Variants in CFAP61 observed in about 807,000 individuals in gnomAD.
CFAP61 encodes the protein cilia and flagella associated protein 61, also known as cilia- and flagella-associated protein 61.
In CFAP61, 107 loss-of-function variants were observed where a neutral mutation model predicts 135.6. The observed-to-expected ratio is 0.79, with a 90% CI of 0.67 to 0.93. The LOEUF is 0.93. CFAP61 is among the 40% of genes least tolerant of loss of function. The pLI, the probability that CFAP61 is intolerant of heterozygous loss-of-function variation, is 0.00. For synonymous variants in CFAP61, 575 were observed against 578.5 expected (o/e 0.99, Z 0.09); for missense variants, 1,507 against 1,556.2 (o/e 0.97, Z 0.53).
At chr20:20,182,582 TAATA>T (rs1408426102) in intron 13 of CFAP61, among the ~76,000 whole-genome samples, 1 of 152,260 alleles carries the variant, frequency 6.6e-6, no homozygotes, top group East Asian at 1.9e-4. Flanking sequence ...AGCAGATGTT[TAATA>T]AATATTTGTG....
intron 17 of CFAP61, among the ~76,000 whole-genome samples, chr20:20,210,285 T>C (rs1273604293): frequency 6.6e-6 from 1 of 152,210 alleles, no homozygotes; most frequent in African/African-American, 2.4e-5. Flanking sequence ...CTTCTTCCCC[T>C]CTGGCTTTCC....
intron 14 of CFAP61, among the ~76,000 whole-genome samples, chr20:20,189,520 C>G (rs1569096562): frequency 6.7e-6 from 1 of 149,496 alleles, no homozygotes; most frequent in East Asian, 1.9e-4. Context: ...TGGGTGAAAC[C>G]AATGCCACCT....
intron 9 of CFAP61, among the ~76,000 whole-genome samples, chr20:20,147,772 T>C (rs1029264083): frequency 1.3e-5 from 2 of 152,206 alleles, no homozygotes; most frequent in African/African-American, 4.8e-5. Context: ...TGTTGGTTTT[T>C]TGTTTTTTTT....
chr20:20,325,677 A>G (rs2057718268), intron 25 of CFAP61, among the ~76,000 whole-genome samples: 1 of 152,248 alleles, frequency 6.6e-6, no homozygotes, highest in African/African-American at 2.4e-5. Context: ...CTGCTGTAAC[A>G]TGTACAAGTT....
chr20:20,206,569 C>T (rs1022383526), intron 17 of CFAP61, among the ~76,000 whole-genome samples: 5 of 152,150 alleles, frequency 3.3e-5, no homozygotes, highest in African/African-American at 7.2e-5. Context: ...GTTTCATCCA[C>T]GTTGTAGCGT....
intron 17 of CFAP61, among the ~76,000 whole-genome samples, chr20:20,203,381 A>G (rs2056717211): frequency 6.6e-6 from 1 of 152,234 alleles, no homozygotes; most frequent in South Asian, 2.1e-4. Context: ...GTGCTTTTAC[A>G]TTAGGAGAGT....
intron 15 of CFAP61, among the ~76,000 whole-genome samples, chr20:20,196,100 A>T (rs1433610920): frequency 1.3e-5 from 2 of 152,176 alleles, no homozygotes; most frequent in African/African-American, 4.8e-5. Context: ...AACAAAACAA[A>T]GTGTGTAACT....
At position 20,199,876 on chromosome 20, in the gene CFAP61, C is replaced by G. The variant is rs944462071; in HGVS notation, c.1906C>G (p.Pro636Ala). ...TCTGGAAAAGCTTGGCATAAACGCT[C>G]CATCAAAGGCGGTCTCCAAGGATCC... ...YPLEKLGINA[P>A]SKAVSKDPMS... The change falls in exon 17 of 27, where the codon CCA becomes GCA. Residue 636 changes from proline (P) to alanine (A), a missense_variant. Pro to Ala is a conservative substitution (Grantham distance 27, BLOSUM62 -1). Coordinates refer to ENST00000245957, the MANE Select transcript of CFAP61 (RefSeq NM_015585.4). 8.1e-6 allele frequency: 13 copies of G among 1,614,014 alleles called. No homozygotes were observed. Among genetic ancestry groups the G allele is most frequent in the African/African-American group, 4.0e-5 (3 of 74,936 alleles).
chr20:20,119,706 A>G (rs2049461732), intron 8 of CFAP61, among the ~76,000 whole-genome samples: 1 of 152,108 alleles, frequency 6.6e-6, no homozygotes, highest in Non-Finnish European at 1.5e-5. Flanking sequence ...AACTCATGTC[A>G]TGGGGGTTTG....
chr20:20,239,326 G>A (rs1423115749), intron 18 of CFAP61, among the ~76,000 whole-genome samples: 1 of 152,114 alleles, frequency 6.6e-6, no homozygotes, highest in Non-Finnish European at 1.5e-5. Flanking sequence ...AAAATATGAG[G>A]TTGGAGAAAG....
rs545486156 is a variant in CFAP61 at position 20,245,400 on chromosome 20, T to C, written c.2061-717T>C. On this transcript the variant is annotated intron_variant, in intron 18 of 26. Coordinates refer to ENST00000245957, the MANE Select transcript of CFAP61 (RefSeq NM_015585.4). ...AGGAACAAGTCACGTCTTATATGGA[T>C]GGCAGCAGGCAAAGAGAGAGCTTGT... Among the ~76,000 whole-genome samples, 364 of 152,314 alleles carry C rather than the reference T, an allele frequency of 2.4e-3. 3 individuals carry two copies. Among genetic ancestry groups the C allele is most frequent in the African/African-American group, 8.4e-3 (348 of 41,566 alleles).
chr20:20,094,260 A>G (rs1325860930), intron 7 of CFAP61: 1 of 152,118 alleles, frequency 6.6e-6, no homozygotes, highest in African/African-American at 2.4e-5. Flanking sequence ...TTGTTTAGCC[A>G]TTAGCCCCAG....
At chr20:20,083,553 A>C (rs2046580180) in intron 6 of CFAP61, among the ~76,000 whole-genome samples, 1 of 152,250 alleles carries the variant, frequency 6.6e-6, no homozygotes, top group African/African-American at 2.4e-5. Context: ...GGTGGTTTGT[A>C]ATTACAAACT....
At chr20:20,101,691 T>C (rs1045886057) in intron 8 of CFAP61, among the ~76,000 whole-genome samples, 1 of 152,136 alleles carries the variant, frequency 6.6e-6, no homozygotes, top group Non-Finnish European at 1.5e-5. Flanking sequence ...AGTGGTGCAA[T>C]CTCAGCTCAT....
intron 4 of CFAP61, 98 bp downstream of exon 4, chr20:20,074,476 AT>A (rs2045927362): frequency 9.9e-7 from 1 of 1,009,012 alleles, no homozygotes; most frequent in East Asian, 2.4e-5. Context: ...GGGGTGTTTA[AT>A]TTGCTTGTAA....
At chr20:20,327,408 A>G (rs529479474) in intron 25 of CFAP61, among the ~76,000 whole-genome samples, 3 of 152,288 alleles carry the variant, frequency 2.0e-5, no homozygotes, top group African/African-American at 7.2e-5. Context: ...GCCAGTGCAT[A>G]TTTCATGAAT....
At chr20:20,306,946 C>T (rs113596717) in intron 25 of CFAP61, among the ~76,000 whole-genome samples, 10 of 152,266 alleles carry the variant, frequency 6.6e-5, no homozygotes, top group African/African-American at 2.2e-4. Context: ...AATTTGCACA[C>T]GTCTGTTGAC....
At chr20:20,315,274 T>C (rs2057063846) in intron 25 of CFAP61, among the ~76,000 whole-genome samples, 1 of 151,796 alleles carries the variant, frequency 6.6e-6, no homozygotes, top group Non-Finnish European at 1.5e-5. Context: ...GATTTGCATT[T>C]CTCTGATGGC....
chr20:20,131,384 A>G (rs1283191758), intron 8 of CFAP61, among the ~76,000 whole-genome samples: 1 of 152,178 alleles, frequency 6.6e-6, no homozygotes, highest in Non-Finnish European at 1.5e-5. Flanking sequence ...ATATGAATAT[A>G]TACATTTTCT....
Sources: gnomAD v4.1 joint callset for allele counts (sites outside exome capture counted in the v4.1 genomes callset) on GRCh38, gnomAD v4.1.1 for gene constraint, MANE v1.5 for transcripts, NCBI Gene and HGNC (gene_info 2026-07-23, HGNC 2026-07-21) for gene names.